The following SUCLA2 variants were observed in gnomAD, a reference collection of about 807,000 sequenced individuals.
The protein encoded by SUCLA2 is succinate--CoA ligase [ADP-forming] subunit beta, mitochondrial.
In SUCLA2, 30 loss-of-function variants were observed where a neutral mutation model predicts 54.8. That is an observed-to-expected ratio of 0.55 (90% CI 0.41 to 0.74). The LOEUF (loss-of-function observed/expected upper bound fraction) is 0.74. Among genes scored for constraint, SUCLA2 ranks in the 30% least tolerant of loss-of-function variants. SUCLA2 has a pLI of 0.00. For synonymous variants in SUCLA2, 172 were observed against 188.9 expected (o/e 0.91, Z 0.74); for missense variants, 476 against 562.9 (o/e 0.85, Z 1.56).
intron 4 of SUCLA2, among the ~76,000 whole-genome samples, chr13:47,985,502 C>T (rs556228665): frequency 6.6e-6 from 1 of 151,796 alleles, no homozygotes; most frequent in Admixed American, 6.6e-5. Flanking sequence ...GTTTTCTGCT[C>T]CTGCATTAGT....
intron 2 of SUCLA2, among the ~76,000 whole-genome samples, chr13:47,990,379 A>G (rs1292130020): frequency 6.6e-6 from 1 of 152,104 alleles, no homozygotes; most frequent in Non-Finnish European, 1.5e-5. Context: ...TGGGTATCCT[A>G]AATGCCCTGA....
chr13:47,960,284 T>C (rs1223557976), intron 6 of SUCLA2, among the ~76,000 whole-genome samples: 1 of 152,178 alleles, frequency 6.6e-6, no homozygotes, highest in Admixed American at 6.5e-5. Context: ...TTTGCCCTAT[T>C]TATCTAAAGT....
chr13:47,964,727 G>A (rs1949903584), intron 6 of SUCLA2, among the ~76,000 whole-genome samples: 2 of 152,002 alleles, frequency 1.3e-5, no homozygotes, highest in African/African-American at 2.4e-5. Flanking sequence ...CGTGGTGGCG[G>A]GCACCTGTAG....
chr13:47,973,215 T>G, intron 5 of SUCLA2, 49 bp downstream of exon 5: 1 of 1,524,064 alleles, frequency 6.6e-7, no homozygotes, highest in Non-Finnish European at 9.1e-7. Flanking sequence ...TCTTTAAGTA[T>G]CATAATTCTC....
At chr13:47,984,855 T>C (rs1347962903) in intron 4 of SUCLA2, among the ~76,000 whole-genome samples, 1 of 152,144 alleles carries the variant, frequency 6.6e-6, no homozygotes, top group African/African-American at 2.4e-5. Context: ...CTTAAGCACA[T>C]TTTATAACTA....
Position 47,988,882 on chromosome 13 carries a change from G to A in SUCLA2, c.371C>T (p.Ser124Phe), listed in dbSNP as rs543694411. Residue 124 changes from serine to phenylalanine, a missense_variant and splice_region_variant, in exon 3 of 11, where the codon TCT becomes TTT. Coordinates refer to ENST00000646932, the MANE Select transcript of SUCLA2 (RefSeq NM_003850.3). Reference protein sequence around the residue: ...GLKGGVKIVFSPEEAKAVSSQ... With the variant: ...GLKGGVKIVFFPEEAKAVSSQ... ...TTTTTCCTTAAAAAATGTGACTTAC[G>A]AGAAAACTATCTTCACTCCTCCTTT... The A allele has an allele frequency of 1.6e-5, 25 of 1,612,034 alleles. No individual in the cohort carries two copies. The highest frequency in any genetic ancestry group is 4.0e-5 in the African/African-American group (3 of 74,986).
chr13:47,975,165 C>CT (rs200391823), intron 4 of SUCLA2, among the ~76,000 whole-genome samples: 8,868 of 144,954 alleles, frequency 0.061, 326 homozygotes, highest in Middle Eastern at 0.082. Context: ...TCTTTCTTTT[C>CT]TTTTTTTTTT....
chr13:47,949,705 T>C (rs190715330), intron 8 of SUCLA2, 102 bp from the exon 9 acceptor site: 42 of 1,261,594 alleles, frequency 3.3e-5, no homozygotes, highest in South Asian at 6.3e-5. Flanking sequence ...ATTAACTTGA[T>C]AGAAAGATTT....
At chr13:47,977,317 G>A (rs778587936) in intron 4 of SUCLA2, among the ~76,000 whole-genome samples, 2 of 152,000 alleles carry the variant, frequency 1.3e-5, no homozygotes, top group East Asian at 3.8e-4. Flanking sequence ...CAGGAAGCCC[G>A]GGACCAAATG....
chr13:47,987,224 A>G (rs770595760), intron 4 of SUCLA2, among the ~76,000 whole-genome samples: 7 of 152,186 alleles, frequency 4.6e-5, no homozygotes, highest in Non-Finnish European at 8.8e-5. Flanking sequence ...CTTTAATAAT[A>G]CATATTCAGT....
Position 47,988,687 on chromosome 13 carries a change from C to T in SUCLA2, c.388G>A (p.Ala130Thr). 6.2e-7 allele frequency: 1 copy of T among 1,613,792 alleles called. No individual in the cohort carries two copies. Among genetic ancestry groups the T allele is most frequent in the Admixed American group, 1.7e-5 (1 of 60,002 alleles). The change falls in exon 4 of 11, where the codon GCT (alanine) becomes ACT (threonine). Residue 130 changes from alanine (A) to threonine (T), a missense_variant. Ala to Thr is a moderately conservative substitution (Grantham distance 58). This residue lies in a region of SUCLA2 where 342 missense variants were observed against 444.2 expected (regional missense o/e 0.77). Coordinates refer to ENST00000646932, the MANE Select transcript of SUCLA2 (RefSeq NM_003850.3). ...TTCCCAATCATTTGTGAAGAAACAG[C>T]TTTTGCTTCTTCTGGACTAAAATAA... ...KIVFSPEEAK[A>T]VSSQMIGKKL...
chr13:47,968,676 C>G lies in SUCLA2; in HGVS notation c.721G>C (p.Val241Leu). 1 of 1,612,064 alleles carries G rather than the reference C, an allele frequency of 6.2e-7. No homozygotes were observed. Among genetic ancestry groups the G allele is most frequent in the Non-Finnish European group, 8.5e-7 (1 of 1,179,872 alleles). The change falls in exon 6 of 11, where the codon GTC becomes CTC. Residue 241 changes from valine (V) to leucine (L), a missense_variant. By Grantham distance (32) the Val-to-Leu change is conservative. Coordinates refer to ENST00000646932, the MANE Select transcript of SUCLA2 (RefSeq NM_003850.3). ...TTCAGAAAAAGGCTGTAAAGCTTGA[C>G]CATGTTTTCTGCTGCTGATTCCACA... ...NIVESAAENM[V>L]KLYSLFLKYD... is the part of the protein sequence containing the mutation.
At chr13:47,948,393 G>A (rs139173720) in intron 10 of SUCLA2, among the ~76,000 whole-genome samples, 43 of 151,450 alleles carry the variant, frequency 2.8e-4, no homozygotes, top group African/African-American at 6.5e-4. Context: ...GTGTGTGTGC[G>A]CACATGTGTG....
chr13:47,986,184 C>T (rs1169056908), intron 4 of SUCLA2, among the ~76,000 whole-genome samples: 5 of 152,092 alleles, frequency 3.3e-5, no homozygotes, highest in African/African-American at 4.8e-5. Flanking sequence ...GAACTCACCA[C>T]CATGCCCAAC....
intron 9 of SUCLA2, among the ~76,000 whole-genome samples, 183 bp downstream of exon 9, chr13:47,949,300 A>C (rs1237332710): frequency 6.6e-6 from 1 of 152,264 alleles, no homozygotes; most frequent in Non-Finnish European, 1.5e-5. Context: ...AATTATACCA[A>C]GCAAAAGTAT....
chr13:47,979,996 GA>G (rs1191204297), intron 4 of SUCLA2, among the ~76,000 whole-genome samples: 1 of 152,188 alleles, frequency 6.6e-6, no homozygotes. Flanking sequence ...TGAACAATGT[GA>G]AAAGGAAATT....
chr13:47,954,724 A>G (rs1949805392), intron 6 of SUCLA2, among the ~76,000 whole-genome samples, 167 bp from the exon 7 acceptor site: 1 of 152,224 alleles, frequency 6.6e-6, no homozygotes, highest in African/African-American at 2.4e-5. Context: ...TCTTTAAAAA[A>G]GAATATTTGG....
intron 2 of SUCLA2, among the ~76,000 whole-genome samples, chr13:47,993,859 A>C (rs1171884416): frequency 6.6e-6 from 1 of 152,058 alleles, no homozygotes; most frequent in Non-Finnish European, 1.5e-5. Flanking sequence ...AACATGGAGA[A>C]ACCCTGTCTC....
chr13:47,951,413 C>G (rs1037491793), intron 8 of SUCLA2, among the ~76,000 whole-genome samples: 10 of 150,516 alleles, frequency 6.6e-5, no homozygotes, highest in African/African-American at 2.2e-4. Flanking sequence ...ACTATAGAGC[C>G]TGGGACATAT....
Sources: allele counts gnomAD v4.1 joint callset (sites outside exome capture counted in the v4.1 genomes callset), GRCh38; gene constraint gnomAD v4.1.1; regional missense constraint gnomAD v4.1.1; transcripts MANE v1.5; gene names NCBI Gene and HGNC (gene_info 2026-07-23, HGNC 2026-07-21).